Variants in KIAA0825 observed in about 807,000 individuals in gnomAD.
KIAA0825 encodes KIAA0825.
Under a neutral mutation model 147.6 loss-of-function variants are expected in KIAA0825, and 119 were observed. That is an observed-to-expected ratio of 0.81 (90% CI 0.69 to 0.94). The LOEUF is 0.94. KIAA0825 is among the 40% of genes least tolerant of loss of function. The probability of loss-of-function intolerance (pLI) is 0.00; values close to 1 mark genes in which losing one functional copy is unlikely to be tolerated. For missense variants in KIAA0825, 1,381 were observed against 1,472.7 expected (o/e 0.94, Z 1.02); for synonymous variants, 470 against 518.1 (o/e 0.91, Z 1.26).
At chr5:94,291,712 A>C (rs1410113134) in intron 20 of KIAA0825, among the ~76,000 whole-genome samples, 1 of 152,090 alleles carries the variant, frequency 6.6e-6, no homozygotes, top group Non-Finnish European at 1.5e-5. Flanking sequence ...CAGTATGGCC[A>C]TTTTCACGAT....
At position 94,417,258 on chromosome 5, in the gene KIAA0825, C is replaced by A; in HGVS notation, c.2605G>T (p.Val869Phe). 6.4e-7 allele frequency: 1 copy of A among 1,550,968 alleles called. No individual in the cohort carries two copies. Among genetic ancestry groups the A allele is most frequent in the African/African-American group, 1.4e-5 (1 of 73,124 alleles). ...TCTTCTTCCATGTAGCTCACAAAAA[C>A]GTTTGCAAATGTTTGTGGAGAAAAA... is the stretch of plus-strand genomic sequence containing the variant. The part of the protein sequence containing the change: ...CSFSPQTFAN[V>F]FVSYMEEEQL... Residue 869 changes from valine (V) to phenylalanine (F), a missense_variant, in exon 15 of 21, where the codon GTT becomes TTT. Physicochemically the swap from Val to Phe is conservative, Grantham distance 50 (BLOSUM62 -1). Coordinates refer to ENST00000682413, the MANE Select transcript of KIAA0825 (RefSeq NM_001145678.3).
chr5:94,160,467 CAT>C (rs1583702031), intron 20 of KIAA0825, among the ~76,000 whole-genome samples: 1 of 148,656 alleles, frequency 6.7e-6, no homozygotes, highest in Non-Finnish European at 1.5e-5. Context: ...TATATATCTG[CAT>C]ATCTGTATAT....
chr5:94,165,398 C>T (rs184662513), intron 20 of KIAA0825, among the ~76,000 whole-genome samples: 1 of 152,136 alleles, frequency 6.6e-6, no homozygotes, highest in Non-Finnish European at 1.5e-5. Context: ...AACCCTTGTA[C>T]ACTGTTAGTG....
rs565299959 is a variant in KIAA0825, at chr5:94,186,459, TAAGC to T, written c.3711-32339_3711-32336del. 5.9e-5 allele frequency among the ~76,000 whole-genome samples: 9 copies of T among 152,276 alleles called. No individual in the cohort carries two copies. In the South Asian group the frequency reaches 1.9e-3, roughly 32 times the overall value. ...GAGAATTGTAGGACAACAAATGACA[TAAGC>T]AAGGGATATGTGATAATAAATAAGT... is the stretch of plus-strand genomic sequence containing the variant. On this transcript the variant is annotated intron_variant, in intron 20 of 20. Coordinates refer to ENST00000682413, the MANE Select transcript of KIAA0825 (RefSeq NM_001145678.3).
At chr5:94,327,178 C>T (rs1001982185) in intron 20 of KIAA0825, among the ~76,000 whole-genome samples, 20 of 152,070 alleles carry the variant, frequency 1.3e-4, no homozygotes, top group African/African-American at 4.8e-4. Flanking sequence ...AGTTGATGCT[C>T]AGCAAATGTT....
rs938212176 is a variant in KIAA0825 at position 94,465,016 on chromosome 5, C to A, written c.1916G>T (p.Cys639Phe). 2.4e-5 allele frequency: 37 copies of A among 1,551,528 alleles called. No individual in the cohort carries two copies. In the African/African-American group the frequency reaches 4.7e-4, roughly 20 times the overall value. The change falls in exon 11 of 21, where the codon TGC becomes TTC. Residue 639 changes from cysteine to phenylalanine, a missense_variant. By Grantham distance (205) the Cys-to-Phe change is radical (BLOSUM62 -2). Transcript: ENST00000682413. ...SFSIQMWHYF[C>F]WSLHYDLWTI... Reference sequence around the variant, plus strand: ...CCAGAGATCGTAATGAAGAGACCAGCAGAAATAATGCCACATCTGGATCGA... The same window carrying A: ...CCAGAGATCGTAATGAAGAGACCAGAAGAAATAATGCCACATCTGGATCGA...
intron 14 of KIAA0825, among the ~76,000 whole-genome samples, chr5:94,428,166 T>TGTGTGC (rs1755161926): frequency 6.6e-6 from 1 of 150,712 alleles, no homozygotes; most frequent in Non-Finnish European, 1.5e-5. Context: ...TGTGTGTGTG[T>TGTGTGC]GTGTGTGTGT....
intron 10 of KIAA0825, among the ~76,000 whole-genome samples, chr5:94,465,786 C>G (rs1363458251): frequency 6.6e-6 from 1 of 152,178 alleles, no homozygotes; most frequent in African/African-American, 2.4e-5. Flanking sequence ...CAGATCTCTT[C>G]TGTGTGCCAA....
chr5:94,210,546 A>G (rs1234983430), intron 20 of KIAA0825, among the ~76,000 whole-genome samples: 1 of 152,150 alleles, frequency 6.6e-6, no homozygotes, highest in African/African-American at 2.4e-5. Context: ...TGCAAGCTAT[A>G]TTTGCAGAAT....
intron 20 of KIAA0825, among the ~76,000 whole-genome samples, chr5:94,156,418 T>C (rs1325745837): frequency 6.6e-6 from 1 of 152,244 alleles, no homozygotes; most frequent in Admixed American, 6.5e-5. Flanking sequence ...ATTTGCCTTT[T>C]TTCCTTCCCA....
At chr5:94,593,810 T>A in intron 1 of KIAA0825, 1 of 337,788 alleles carries the variant, frequency 3.0e-6, no homozygotes, top group South Asian at 2.7e-5. Context: ...ACTTGGAGAA[T>A]TATTGCTTAG....
Position 94,468,013 on chromosome 5 carries a change from C to G in KIAA0825, c.1872+1948G>C, listed in dbSNP as rs1760759225. ...TATTTTTCTGAGAATAAATAACAAC[C>G]ACTAACTCTGCAATTAAATTGTAAC... is the stretch of plus-strand genomic sequence containing the variant. On this transcript the variant is annotated intron_variant, in intron 10 of 20. Coordinates refer to ENST00000682413, the MANE Select transcript of KIAA0825 (RefSeq NM_001145678.3). Among the ~76,000 whole-genome samples, 5 of 152,128 alleles carry G rather than the reference C, an allele frequency of 3.3e-5. No individual in the cohort carries two copies. In the South Asian group the frequency reaches 1.0e-3, roughly 32 times the overall value.
At chr5:94,521,003 A>G in intron 4 of KIAA0825, 86 bp from the exon 5 acceptor site, 1 of 1,167,922 alleles carries the variant, frequency 8.6e-7, no homozygotes, top group Non-Finnish European at 1.2e-6. Context: ...TAATAATTTC[A>G]GGTTGAAATC....
intron 20 of KIAA0825, among the ~76,000 whole-genome samples, chr5:94,344,452 T>A (rs1782770932): frequency 6.6e-6 from 1 of 152,214 alleles, no homozygotes; most frequent in Admixed American, 6.5e-5. Flanking sequence ...AGAACACTTG[T>A]GCACTGCTAA....
rs556269401 is a variant in KIAA0825, at chr5:94,552,677, A to C, written c.-1-15550T>G. Among the ~76,000 whole-genome samples the C allele has an allele frequency of 2.0e-5, 3 of 152,374 alleles. No homozygotes were observed. The East Asian group carries it at 5.8e-4, about 29-fold the overall frequency. ...TGACCAATGGGTGAAGAAAGATATT[A>C]TGAAGAAAATTTAAGTTTCTTGAAA... is the stretch of plus-strand genomic sequence containing the variant. On this transcript the variant is annotated intron_variant, in intron 2 of 20. Coordinates refer to ENST00000682413, the MANE Select transcript of KIAA0825 (RefSeq NM_001145678.3).
chr5:94,408,930 A>G (rs1752422798), intron 15 of KIAA0825, among the ~76,000 whole-genome samples: 1 of 152,246 alleles, frequency 6.6e-6, no homozygotes, highest in Non-Finnish European at 1.5e-5. Flanking sequence ...TACTTAGCAT[A>G]GCAAATATCA....
chr5:94,465,021 A>C lies in KIAA0825; in HGVS notation c.1911T>G (p.Tyr637Ter). The change falls in exon 11 of 21, where the codon TAT becomes TAG. Residue 637 changes from tyrosine (Y) to a stop codon, truncating the protein, a stop_gained. Transcript: ENST00000682413. LOFTEE classifies it high-confidence loss of function. The stretch of plus-strand genomic sequence containing the variant: ...GATCGTAATGAAGAGACCAGCAGAA[A>C]TAATGCCACATCTGGATCGAGAAGG... ...RCSFSIQMWH[Y>*]FCWSLHYDLW... The C allele has an allele frequency of 6.4e-7, 1 of 1,551,684 alleles. No individual in the cohort carries two copies. Among genetic ancestry groups the C allele is most frequent in the South Asian group, 1.2e-5 (1 of 84,050 alleles).
intron 10 of KIAA0825, among the ~76,000 whole-genome samples, chr5:94,465,870 CAA>C (rs936195960): frequency 2.6e-5 from 4 of 152,142 alleles, no homozygotes; most frequent in African/African-American, 9.7e-5. Context: ...AGTGTGGCCT[CAA>C]ATGATTTACA....
At position 94,219,202 on chromosome 5, in the gene KIAA0825, G is replaced by A. The variant is rs543312719; in HGVS notation, c.3711-65078C>T. 3.9e-5 allele frequency among the ~76,000 whole-genome samples: 6 copies of A among 152,032 alleles called. No homozygotes were observed. The South Asian group carries it at 8.3e-4, about 21-fold the overall frequency. ...TGTATATACATGTATATATTATTACGTGTAATATATACAGTGACAGATCAT... is the reference window on the plus strand; with the variant it reads ...TGTATATACATGTATATATTATTACATGTAATATATACAGTGACAGATCAT... On this transcript the variant is annotated intron_variant, in intron 20 of 20. Coordinates refer to ENST00000682413, the MANE Select transcript of KIAA0825 (RefSeq NM_001145678.3).
Sources: gnomAD v4.1 joint callset for allele counts (sites outside exome capture counted in the v4.1 genomes callset) on GRCh38, gnomAD v4.1.1 for gene constraint, MANE v1.5 for transcripts, NCBI Gene and HGNC (gene_info 2026-07-23, HGNC 2026-07-21) for gene names.